Variants in ZMYM5 observed in about 807,000 individuals in gnomAD.
ZMYM5 encodes zinc finger MYM-type protein 5.
ZMYM5 carries 41 observed loss-of-function variants against 61.8 expected under a neutral mutation model. That is an observed-to-expected ratio of 0.66 (90% CI 0.52 to 0.86). The LOEUF is 0.86. ZMYM5 is among the 40% of genes least tolerant of loss of function. ZMYM5 has a pLI of 0.00. For synonymous variants in ZMYM5, 257 were observed against 276.4 expected (o/e 0.93, Z 0.70); for missense variants, 706 against 786.7 (o/e 0.90, Z 1.23).
intron 4 of ZMYM5, among the ~76,000 whole-genome samples, chr13:19,845,532 G>A (rs972254144): frequency 2.6e-5 from 4 of 152,166 alleles, no homozygotes; most frequent in African/African-American, 9.7e-5. Context: ...TTAAAGGCCT[G>A]GTTCTCAGCA....
At chr13:19,863,190 C>CCCGCCCCG (rs1248304444) in intron 1 of ZMYM5, among the ~76,000 whole-genome samples, 1 of 151,228 alleles carries the variant, frequency 6.6e-6, no homozygotes, top group East Asian at 1.9e-4. Flanking sequence ...CGGCCGGCAA[C>CCCGCCCCG]CCGCCCCGCC....
chr13:19,862,390 A>C lies in ZMYM5; in HGVS notation c.-11+9T>G, dbSNP rs1022967184. The C allele has an allele frequency of 6.6e-6, 1 of 151,884 alleles. No individual in the cohort carries two copies. The highest frequency in any genetic ancestry group is 1.5e-5 in the Non-Finnish European group (1 of 68,002). 9.4% of individuals were successfully genotyped at this position (151,884 alleles called of 1,614,324 possible). Reference sequence around the variant, plus strand: ...AGCAAAGCGGGGTAAAAAAAAAAAAACAACTCACAATGGAGATATTTCCTT... The same window carrying C: ...AGCAAAGCGGGGTAAAAAAAAAAAACCAACTCACAATGGAGATATTTCCTT... On this transcript the variant is annotated intron_variant, in intron 2 of 7. Transcript: ENST00000337963.
rs756136097 is a variant in ZMYM5, at chr13:19,835,597, C to T, written c.1131G>A (p.Met377Ile). Residue 377 changes from methionine (M) to isoleucine (I), a missense_variant, in exon 7 of 8, where the codon ATG becomes ATA. Transcript: ENST00000337963. ...NKYRLANGLI[M>I]NCCEHCGEYM... Reference sequence around the variant, plus strand: ...ACTCTCCACAGTGTTCACAGCAGTTCATTATTAGACCATTGGCCAATCTGT... The same window carrying T: ...ACTCTCCACAGTGTTCACAGCAGTTTATTATTAGACCATTGGCCAATCTGT... 2 of 1,367,656 alleles carry T rather than the reference C, an allele frequency of 1.5e-6. No individual in the cohort carries two copies. The highest frequency in any genetic ancestry group is 1.9e-5 in the Admixed American group (1 of 52,568). 84.7% of individuals were successfully genotyped at this position (1,367,656 alleles called of 1,614,324 possible).
At chr13:19,832,126 G>A (rs1379578081) in intron 7 of ZMYM5, among the ~76,000 whole-genome samples, 3 of 151,820 alleles carry the variant, frequency 2.0e-5, no homozygotes, top group Non-Finnish European at 4.4e-5. Flanking sequence ...CTAAAGTGCT[G>A]GGATTACAGG....
At chr13:19,853,244 AG>A (rs1394859728) in intron 2 of ZMYM5, among the ~76,000 whole-genome samples, 1 of 152,248 alleles carries the variant, frequency 6.6e-6, no homozygotes, top group Non-Finnish European at 1.5e-5. Flanking sequence ...CAGAGACAAT[AG>A]TTGAAAAATC....
Position 19,838,762 on chromosome 13 carries a change from G to A in ZMYM5, c.810C>T (p.Thr270=). The A allele has an allele frequency of 6.2e-7, 1 of 1,614,200 alleles. No homozygotes were observed. Among genetic ancestry groups the A allele is most frequent in the South Asian group, 1.1e-5 (1 of 91,086 alleles). Residue 270 remains threonine, a synonymous_variant, in exon 5 of 8, where the codon ACC becomes ACT. Coordinates refer to ENST00000337963, the MANE Select transcript of ZMYM5 (RefSeq NM_001142684.2). The part of the protein sequence containing the change: ...RKGSAHLFCS[T]TCLSSFSHKR... ...TATGAGAGAAGGAAGAAAGGCAGGT[G>A]GTAGAGCAAAAGAGGTGAGCTGATC... is the stretch of plus-strand genomic sequence containing the variant.
chr13:19,854,713 T>C (rs998257184), intron 2 of ZMYM5, among the ~76,000 whole-genome samples: 1 of 151,910 alleles, frequency 6.6e-6, no homozygotes, highest in African/African-American at 2.4e-5. Context: ...TGTATTATGC[T>C]ATTATATATA....
At chr13:19,858,770 T>G (rs557581542) in intron 2 of ZMYM5, among the ~76,000 whole-genome samples, 1 of 151,484 alleles carries the variant, frequency 6.6e-6, no homozygotes, top group Admixed American at 6.6e-5. Flanking sequence ...ATAGCCAGAG[T>G]CTAAAACAGT....
intron 7 of ZMYM5, 136 bp downstream of exon 7, chr13:19,835,341 A>AT (rs1483450097): frequency 1.6e-6 from 1 of 614,438 alleles, no homozygotes; most frequent in Non-Finnish European, 2.4e-6. Context: ...AGACTTGAAT[A>AT]TTTGAGATGG....
At chr13:19,827,846 C>T (rs1314279585) in intron 7 of ZMYM5, among the ~76,000 whole-genome samples, 3 of 150,330 alleles carry the variant, frequency 2.0e-5, no homozygotes, top group East Asian at 2.0e-4. Flanking sequence ...GGTGAAACCC[C>T]GTCTCTACTA....
intron 2 of ZMYM5, among the ~76,000 whole-genome samples, chr13:19,860,636 C>A (rs1953711142): frequency 6.6e-6 from 1 of 151,718 alleles, no homozygotes; most frequent in Admixed American, 6.6e-5. Flanking sequence ...CGGGGTTTCA[C>A]CATGTTGACC....
At position 19,839,093 on chromosome 13, in the gene ZMYM5, A is replaced by G. The variant is rs559901834; in HGVS notation, c.587-108T>C. 11 of 1,378,100 alleles carry G rather than the reference A, an allele frequency of 8.0e-6. No individual in the cohort carries two copies. In the East Asian group the frequency reaches 2.5e-4, roughly 32 times the overall value. The allele number at this position is 1,378,100 out of a possible 1,614,324, so 85.4% of individuals were successfully genotyped here. A position where few individuals can be genotyped will look rare whatever the true frequency, so the allele number is the denominator to read the frequency against. On this transcript the variant is annotated intron_variant, in intron 4 of 7. Transcript: ENST00000337963. Reference sequence around the variant, plus strand: ...TAAGAGACAAGTGGGGCAGGCGTATAAACATGTGGTTAAGGCCAAACACTC... The same window carrying G: ...TAAGAGACAAGTGGGGCAGGCGTATGAACATGTGGTTAAGGCCAAACACTC...
At chr13:19,861,008 G>A (rs546659907) in intron 2 of ZMYM5, among the ~76,000 whole-genome samples, 1 of 150,786 alleles carries the variant, frequency 6.6e-6, no homozygotes, top group Non-Finnish European at 1.5e-5. Context: ...TTAAGACAGG[G>A]TATGGCTCTG....
chr13:19,853,601 GT>G (rs907329013), intron 2 of ZMYM5, among the ~76,000 whole-genome samples: 12 of 145,972 alleles, frequency 8.2e-5, no homozygotes, highest in South Asian at 2.2e-4. Flanking sequence ...CGTGGCCTCA[GT>G]TTTTTTTTTC....
chr13:19,830,963 C>A, intron 7 of ZMYM5, among the ~76,000 whole-genome samples: 1 of 151,498 alleles, frequency 6.6e-6, no homozygotes, highest in East Asian at 1.9e-4. Context: ...TCTCAGCCTC[C>A]AGGGTAGTTG....
chr13:19,835,186 C>T (rs1330028575), intron 7 of ZMYM5, among the ~76,000 whole-genome samples: 1 of 151,930 alleles, frequency 6.6e-6, no homozygotes, highest in Non-Finnish European at 1.5e-5. Flanking sequence ...GTAGAGATTA[C>T]GTCTCACTAT....
intron 2 of ZMYM5, among the ~76,000 whole-genome samples, chr13:19,854,102 T>C (rs144265706): frequency 0.018 from 2,806 of 152,202 alleles, 84 homozygotes; most frequent in African/African-American, 0.062. Flanking sequence ...CTCCGCCTCC[T>C]GGGTTCCAGT....
intron 2 of ZMYM5, among the ~76,000 whole-genome samples, chr13:19,855,452 C>T (rs1271193051): frequency 1.3e-5 from 2 of 150,998 alleles, no homozygotes; most frequent in East Asian, 2.0e-4. Flanking sequence ...TTAGTAGAGA[C>T]GGGGTTTCAC....
chr13:19,842,460 TC>T (rs1268162452), intron 4 of ZMYM5, among the ~76,000 whole-genome samples: 1 of 152,120 alleles, frequency 6.6e-6, no homozygotes, highest in Non-Finnish European at 1.5e-5. Flanking sequence ...ATAATCAATG[TC>T]ATCTTATTCT....
Sources: gnomAD v4.1 joint callset for allele counts (sites outside exome capture counted in the v4.1 genomes callset) on GRCh38, gnomAD v4.1.1 for gene constraint, MANE v1.5 for transcripts, NCBI Gene and HGNC (gene_info 2026-07-23, HGNC 2026-07-21) for gene names.